Variants in RCAN1 observed in about 807,000 individuals in gnomAD.
The protein encoded by RCAN1 is regulator of calcineurin 1, also known as calcipressin-1.
RCAN1 carries 11 observed loss-of-function variants against 22.9 expected under a neutral mutation model. The ratio of observed to expected loss-of-function variants is 0.48; its 90% CI spans 0.30 to 0.79. The LOEUF (loss-of-function observed/expected upper bound fraction) is 0.79, where lower values mean the gene tolerates loss of function less well. RCAN1 is among the 30% of genes least tolerant of loss of function. The pLI, the probability that RCAN1 is intolerant of heterozygous loss-of-function variation, is 0.06. For synonymous variants in RCAN1, 136 were observed against 142.3 expected, an observed-to-expected ratio of 0.96 and a Z score of 0.32; for missense variants, 291 against 337.8, an observed-to-expected ratio of 0.86 and a Z score of 1.09.
intron 1 of RCAN1, among the ~76,000 whole-genome samples, chr21:34,555,671 A>C (rs1296454243): frequency 6.6e-6 from 1 of 152,028 alleles, no homozygotes; most frequent in Non-Finnish European, 1.5e-5. Flanking sequence ...ATCATTGTTG[A>C]GGCTGGGTGA....
At chr21:34,590,928 A>C (rs529594732) in intron 1 of RCAN1, among the ~76,000 whole-genome samples, 2 of 152,184 alleles carry the variant, frequency 1.3e-5, no homozygotes, top group African/African-American at 4.8e-5. Context: ...GGGGCACAGC[A>C]ATATTTTATG....
At chr21:34,608,222 T>C (rs1218673067) in intron 1 of RCAN1, among the ~76,000 whole-genome samples, 1 of 152,218 alleles carries the variant, frequency 6.6e-6, no homozygotes, top group Non-Finnish European at 1.5e-5. Flanking sequence ...CCCTGGTCTG[T>C]AGAAAAACTG....
At chr21:34,578,400 A>G (rs2268262) in intron 1 of RCAN1, among the ~76,000 whole-genome samples, 55,047 of 152,092 alleles carry the variant, frequency 0.36, 10,373 homozygotes, top group East Asian at 0.47. Context: ...CTCCTGCTGT[A>G]AGCAGCCATC....
chr21:34,530,827 G>T (rs868215736), intron 1 of RCAN1, among the ~76,000 whole-genome samples: 3 of 151,936 alleles, frequency 2.0e-5, no homozygotes, highest in Middle Eastern at 3.2e-3. Context: ...GTTTCACCAT[G>T]TTGGTCAGGC....
intron 1 of RCAN1, among the ~76,000 whole-genome samples, chr21:34,540,854 G>A (rs560037051): frequency 1.3e-5 from 2 of 152,138 alleles, no homozygotes; most frequent in South Asian, 2.1e-4. Context: ...GCGGGGTGGC[G>A]GGTGCCTGTA....
intron 1 of RCAN1, among the ~76,000 whole-genome samples, chr21:34,610,659 C>A (rs1008502103): frequency 6.6e-6 from 1 of 152,180 alleles, no homozygotes; most frequent in Non-Finnish European, 1.5e-5. Context: ...ACCTGGGGAG[C>A]TTTCCAGGCG....
intron 1 of RCAN1, 104 bp from the exon 2 acceptor site, chr21:34,523,814 G>A: frequency 1.1e-6 from 1 of 933,776 alleles, no homozygotes; most frequent in Non-Finnish European, 1.6e-6. Context: ...ACAGAGTCTT[G>A]CTCTGTCACC....
chr21:34,587,785 G>A (rs2123706811), intron 1 of RCAN1, among the ~76,000 whole-genome samples: 1 of 152,300 alleles, frequency 6.6e-6, no homozygotes, highest in African/African-American at 2.4e-5. Context: ...CTGGGCCATG[G>A]TGCCCAGATA....
intron 1 of RCAN1, among the ~76,000 whole-genome samples, chr21:34,536,604 T>C (rs1005671411): frequency 6.6e-6 from 1 of 152,034 alleles, no homozygotes; most frequent in Non-Finnish European, 1.5e-5. Flanking sequence ...CATTCCATAC[T>C]CTCCTTAGAG....
At chr21:34,520,682 C>G (rs1984445661) in intron 3 of RCAN1, among the ~76,000 whole-genome samples, 1 of 152,140 alleles carries the variant, frequency 6.6e-6, no homozygotes, top group Admixed American at 6.5e-5. Flanking sequence ...CTCTTCACCC[C>G]AAGACTCTCC....
At chr21:34,550,181 C>A (rs1986313571) in intron 1 of RCAN1, among the ~76,000 whole-genome samples, 1 of 152,198 alleles carries the variant, frequency 6.6e-6, no homozygotes. Flanking sequence ...ATTCTTACTT[C>A]CACGACAAAA....
rs759124278 is a variant in RCAN1 at position 34,518,103 on chromosome 21, G to A, written c.740C>T (p.Thr247Met). 14 of 1,614,086 alleles carry A rather than the reference G, an allele frequency of 8.7e-6. No individual in the cohort carries two copies. Among genetic ancestry groups the A allele is most frequent in the Admixed American group, 3.3e-5 (2 of 60,010 alleles). ...GCCAGTTCAGCTGAGGTGGATCGGC[G>A]TGTACTCCGGCCTCCTGGTCTGGAT... ...KIIQTRRPEY[T>M]PIHLS The change falls in exon 4 of 4, where the codon ACG becomes ATG. Residue 247 changes from threonine to methionine, a missense_variant. Thr to Met is a moderately conservative substitution (Grantham distance 81). Transcript: ENST00000313806. This position sits in a 1 kb window ranked among gnomAD's most constrained non-coding sequence, Gnocchi z 4.2.
intron 1 of RCAN1, among the ~76,000 whole-genome samples, chr21:34,610,897 A>G (rs2094687573): frequency 6.6e-6 from 1 of 152,198 alleles, no homozygotes; most frequent in African/African-American, 2.4e-5. Flanking sequence ...ATCTTAGGTG[A>G]GTTGTTTTTG....
Position 34,610,124 on chromosome 21 carries a change from C to T in RCAN1, c.252+4636G>A, listed in dbSNP as rs1988643746. Among the ~76,000 whole-genome samples the T allele has an allele frequency of 2.0e-5, 3 of 152,174 alleles. No homozygotes were observed. In the South Asian group the frequency reaches 6.2e-4, roughly 32 times the overall value. Reference sequence around the variant, plus strand: ...CTGTTACTCTCCTGCTAGGATGTCACATTTTACAATATGCTACAACAGACT... The same window carrying T: ...CTGTTACTCTCCTGCTAGGATGTCATATTTTACAATATGCTACAACAGACT... On this transcript the variant is annotated intron_variant, in intron 1 of 3. Coordinates refer to ENST00000313806, the MANE Select transcript of RCAN1 (RefSeq NM_004414.7).
chr21:34,521,295 A>T, intron 3 of RCAN1: 1 of 1,453,680 alleles, frequency 6.9e-7, no homozygotes, highest in Non-Finnish European at 9.0e-7. Context: ...GATCAGCCGC[A>T]GTCTCTCTAA....
chr21:34,533,042 G>C (rs563209956), intron 1 of RCAN1, among the ~76,000 whole-genome samples: 29 of 150,722 alleles, frequency 1.9e-4, no homozygotes, highest in Middle Eastern at 3.4e-3. Context: ...CTCACTGCAA[G>C]CTCCGCCTCC....
chr21:34,532,243 G>C (rs903387903), intron 1 of RCAN1, among the ~76,000 whole-genome samples: 4 of 152,150 alleles, frequency 2.6e-5, no homozygotes, highest in Non-Finnish European at 4.4e-5. Context: ...GGGGGTTCCT[G>C]TTAAACTGAC....
chr21:34,534,478 A>C (rs892664904), intron 1 of RCAN1, among the ~76,000 whole-genome samples: 2 of 152,134 alleles, frequency 1.3e-5, no homozygotes, highest in South Asian at 4.1e-4. Flanking sequence ...TCTTCATACT[A>C]CAACAAAAGC....
At chr21:34,602,749 C>T (rs899986760) in intron 1 of RCAN1, among the ~76,000 whole-genome samples, 2 of 152,212 alleles carry the variant, frequency 1.3e-5, no homozygotes, top group African/African-American at 4.8e-5. Context: ...ACTGAGTAAC[C>T]TAATACCTGA....
Sources: gnomAD v4.1 joint callset for allele counts (sites outside exome capture counted in the v4.1 genomes callset) on GRCh38, gnomAD v4.1.1 for gene constraint, Gnocchi (gnomAD v3.1) non-coding constraint, MANE v1.5 for transcripts, NCBI Gene and HGNC (gene_info 2026-07-23, HGNC 2026-07-21) for gene names.